Variants in MSRA observed in about 807,000 individuals in gnomAD.
MSRA encodes the protein methionine sulfoxide reductase A.
A neutral mutation model predicts 31.3 loss-of-function variants in MSRA; 54 were observed. The ratio of observed to expected loss-of-function variants is 1.73; its 90% CI spans 1.39 to 2.17. MSRA has a LOEUF of 2.17. MSRA is among the 30% of genes most tolerant of loss of function. The pLI, the probability that MSRA is intolerant of heterozygous loss-of-function variation, is 0.00. For synonymous variants in MSRA, 169 were observed against 116.5 expected (o/e 1.45, Z -2.90); for missense variants, 507 against 300.9 (o/e 1.69, Z -5.07).
At chr8:10,169,987 C>G (rs1805459208) in intron 1 of MSRA, among the ~76,000 whole-genome samples, 3 of 145,080 alleles carry the variant, frequency 2.1e-5, no homozygotes, top group Non-Finnish European at 4.5e-5. Flanking sequence ...GCAATCTTGG[C>G]TCACTGCAAC....
chr8:10,286,814 G>C (rs1281085161), intron 3 of MSRA, among the ~76,000 whole-genome samples: 1 of 152,250 alleles, frequency 6.6e-6, no homozygotes, highest in Non-Finnish European at 1.5e-5. Flanking sequence ...GGGACAGAGA[G>C]AATGAGTAGA....
At chr8:10,259,129 A>G (rs1374367357) in intron 3 of MSRA, among the ~76,000 whole-genome samples, 1 of 151,830 alleles carries the variant, frequency 6.6e-6, no homozygotes, top group African/African-American at 2.4e-5. Context: ...AGAGGCAGAT[A>G]TATATGTTCA....
chr8:10,385,232 C>T (rs1806313824), intron 5 of MSRA, among the ~76,000 whole-genome samples: 1 of 152,134 alleles, frequency 6.6e-6, no homozygotes, highest in Non-Finnish European at 1.5e-5. Context: ...CCAGGGTGAT[C>T]AGACCACCTG....
chr8:10,283,782 G>C (rs1357488298), intron 3 of MSRA, among the ~76,000 whole-genome samples: 1 of 112,520 alleles, frequency 8.9e-6, no homozygotes, highest in Non-Finnish European at 1.8e-5. Flanking sequence ...TTCCTTTTTT[G>C]GTTGAGTAGT....
intron 1 of MSRA, among the ~76,000 whole-genome samples, chr8:10,086,199 A>G (rs540268267): frequency 2.4e-4 from 36 of 152,318 alleles, no homozygotes; most frequent in Admixed American, 2.0e-3. Context: ...AACACTTGAT[A>G]TTGTCTGTCT....
chr8:10,397,616 C>T (rs973598691), intron 5 of MSRA, among the ~76,000 whole-genome samples: 1 of 152,192 alleles, frequency 6.6e-6, no homozygotes, highest in South Asian at 2.1e-4. Context: ...AAGAGAGGGC[C>T]TGGCACCTAA....
intron 3 of MSRA, among the ~76,000 whole-genome samples, chr8:10,278,669 A>T (rs1223873311): frequency 6.6e-6 from 1 of 152,204 alleles, no homozygotes; most frequent in African/African-American, 2.4e-5. Context: ...AGAACCTAGG[A>T]AATGGAATTT....
In MSRA at chr8:10,428,409, C is replaced by A; in HGVS notation, c.*97C>A. 1 of 1,300,060 alleles carries A rather than the reference C, an allele frequency of 7.7e-7. No individual in the cohort carries two copies. The highest frequency in any genetic ancestry group is 1.3e-5 in the South Asian group (1 of 76,264). The allele number at this position is 1,300,060 out of a possible 1,614,324, so 80.5% of individuals were successfully genotyped here. On this transcript the variant is annotated 3_prime_UTR_variant, in exon 6 of 6. Transcript: ENST00000317173. Reference sequence around the variant, plus strand: ...ATTCACAATCGTGGCATTTAAAGTGCACAAAGTACAAAGGAATTTATACAG... The same window carrying A: ...ATTCACAATCGTGGCATTTAAAGTGAACAAAGTACAAAGGAATTTATACAG...
At chr8:10,237,730 C>G (rs1812068625) in intron 2 of MSRA, among the ~76,000 whole-genome samples, 1 of 152,182 alleles carries the variant, frequency 6.6e-6, no homozygotes. Context: ...TCAGCCATAA[C>G]CCTCTCTTTC....
intron 5 of MSRA, among the ~76,000 whole-genome samples, chr8:10,370,472 A>G (rs1025539480): frequency 1.3e-5 from 2 of 152,216 alleles, no homozygotes; most frequent in African/African-American, 4.8e-5. Context: ...ATTTCACACA[A>G]ACTATGAAAT....
At chr8:10,062,286 C>T (rs1417753125) in intron 1 of MSRA, among the ~76,000 whole-genome samples, 1 of 152,192 alleles carries the variant, frequency 6.6e-6, no homozygotes, top group African/African-American at 2.4e-5. Flanking sequence ...CATCGGCAAC[C>T]CTCTGGGGAT....
chr8:10,054,597 C>T lies in MSRA; in HGVS notation c.81C>T (p.Ala27=), dbSNP rs1282122938. ...LFPVPRMGNS[A]SNIVSPQEAL... ...CCGTCCCGAGGATGGGCAACTCGGC[C>T]TCGAACATCGTCAGCCCCCAGGAGG... The change falls in exon 1 of 6, where the codon GCC becomes GCT. Residue 27 remains alanine (A), a synonymous_variant. Transcript: ENST00000317173. 1.9e-6 allele frequency: 3 copies of T among 1,581,014 alleles called. No individual in the cohort carries two copies. Among genetic ancestry groups the T allele is most frequent in the African/African-American group, 1.4e-5 (1 of 71,780 alleles).
chr8:10,245,541 A>G (rs986449591), intron 3 of MSRA, among the ~76,000 whole-genome samples: 2 of 152,198 alleles, frequency 1.3e-5, no homozygotes, highest in Admixed American at 6.5e-5. Context: ...TTCTTCTGTT[A>G]GCCTCACCTG....
At chr8:10,077,802 G>A (rs1798067831) in intron 1 of MSRA, among the ~76,000 whole-genome samples, 1 of 152,060 alleles carries the variant, frequency 6.6e-6, no homozygotes, top group South Asian at 2.1e-4. Context: ...GCAATTTCTT[G>A]CTATCCATTT....
intron 3 of MSRA, among the ~76,000 whole-genome samples, chr8:10,259,457 G>T (rs1295040571): frequency 1.3e-5 from 2 of 152,176 alleles, no homozygotes; most frequent in Non-Finnish European, 2.9e-5. Flanking sequence ...ACTTCCTGGT[G>T]AAGCAGGTGT....
At chr8:10,151,723 A>G (rs114927063) in intron 1 of MSRA, among the ~76,000 whole-genome samples, 1 of 152,318 alleles carries the variant, frequency 6.6e-6, no homozygotes, top group East Asian at 1.9e-4. Context: ...GTCAAGGCAC[A>G]AGTCTGGCTG....
chr8:10,358,327 C>T (rs1462982840), intron 5 of MSRA, among the ~76,000 whole-genome samples: 1 of 152,198 alleles, frequency 6.6e-6, no homozygotes, highest in Non-Finnish European at 1.5e-5. Flanking sequence ...AATAAGAGCG[C>T]TATACCATCA....
chr8:10,171,180 G>A (rs532600803), intron 1 of MSRA, among the ~76,000 whole-genome samples: 56 of 152,312 alleles, frequency 3.7e-4, no homozygotes, highest in African/African-American at 1.3e-3. Flanking sequence ...AAGAGAAGCT[G>A]GGCCAGATGT....
chr8:10,229,475 C>A (rs113738856), intron 2 of MSRA, among the ~76,000 whole-genome samples: 2 of 152,210 alleles, frequency 1.3e-5, no homozygotes, highest in African/African-American at 4.8e-5. Context: ...GAGGCTGTAC[C>A]ACAGCATGCT....
Sources: allele counts gnomAD v4.1 joint callset (sites outside exome capture counted in the v4.1 genomes callset), GRCh38; gene constraint gnomAD v4.1.1; transcripts MANE v1.5; gene names NCBI Gene and HGNC (gene_info 2026-07-23, HGNC 2026-07-21).